TDP1: variants seen among roughly 807,000 people sequenced by gnomAD.
TDP1 encodes the protein tyrosyl-DNA phosphodiesterase 1.
TDP1 carries 64 observed loss-of-function variants against 81.5 expected under a neutral mutation model. The observed-to-expected ratio is 0.79, with a 90% CI of 0.64 to 0.97. The LOEUF is 0.97. Ranked by LOEUF, TDP1 falls within the 50% of genes least tolerant of loss-of-function variation. TDP1 has a pLI of 0.00. For synonymous variants in TDP1, 256 were observed against 264.3 expected (o/e 0.97, Z 0.30); for missense variants, 723 against 743.8 (o/e 0.97, Z 0.33).
intron 13 of TDP1, 25 bp downstream of exon 13, chr14:89,992,008 C>T (rs752102248): frequency 1.3e-6 from 2 of 1,593,846 alleles, no homozygotes; most frequent in South Asian, 2.2e-5. Flanking sequence ...TAGACTGCTG[C>T]TATTGCTTCT....
chr14:89,993,109 G>A lies in TDP1; in HGVS notation c.1434-267G>A. The A allele has an allele frequency of 8.3e-6, 8 of 965,568 alleles. No individual in the cohort carries two copies. In the African/African-American group the frequency reaches 1.2e-4, roughly 15 times the overall value. 59.8% of individuals were successfully genotyped at this position (965,568 alleles called of 1,614,324 possible). ...GTTAAAAGCACAACAGAAATAATAT[G>A]TATGCATGTATGTATGTTCATGGCA... On this transcript the variant is annotated intron_variant, in intron 13 of 16. Coordinates refer to ENST00000335725, the MANE Select transcript of TDP1 (RefSeq NM_018319.4).
At chr14:89,964,316 G>A (rs1892683365) in intron 3 of TDP1, among the ~76,000 whole-genome samples, 1 of 152,256 alleles carries the variant, frequency 6.6e-6, no homozygotes, top group African/African-American at 2.4e-5. Flanking sequence ...CCTGCAGGAG[G>A]AAGAGCAGGA....
At chr14:89,967,181 A>C in intron 4 of TDP1, 186 bp from the exon 5 acceptor site, 3 of 921,222 alleles carry the variant, frequency 3.3e-6, no homozygotes, top group Non-Finnish European at 3.9e-6. Context: ...AGGTTCTTTT[A>C]ACCATGCATT....
chr14:90,012,838 G>C (rs904717237), intron 14 of TDP1, among the ~76,000 whole-genome samples: 4 of 152,158 alleles, frequency 2.6e-5, no homozygotes, highest in Admixed American at 1.3e-4. Context: ...AGCCAAGAAG[G>C]GGGGCTATGC....
chr14:90,016,827 T>C (rs1467748715), intron 14 of TDP1, among the ~76,000 whole-genome samples: 1 of 152,176 alleles, frequency 6.6e-6, no homozygotes, highest in Non-Finnish European at 1.5e-5. Context: ...ATGACTTTAG[T>C]AAGGGTTTGG....
At chr14:90,032,963 T>G (rs1887451095) in intron 15 of TDP1, 143 bp from the exon 16 acceptor site, 1 of 1,196,136 alleles carries the variant, frequency 8.4e-7, no homozygotes, top group Admixed American at 2.5e-5. Flanking sequence ...TATATTTGCC[T>G]ATGAACATTG....
At chr14:89,985,919 C>T (rs1422562929) in intron 10 of TDP1, among the ~76,000 whole-genome samples, 2 of 152,196 alleles carry the variant, frequency 1.3e-5, no homozygotes, top group African/African-American at 4.8e-5. Context: ...CCCAGCTACT[C>T]GGGAGGCTGA....
At chr14:89,998,337 C>G (rs1596593562) in intron 14 of TDP1, among the ~76,000 whole-genome samples, 1 of 132,080 alleles carries the variant, frequency 7.6e-6, no homozygotes, top group Non-Finnish European at 1.6e-5. Flanking sequence ...ACATGTAGTT[C>G]TTAACCAGCA....
intron 14 of TDP1, among the ~76,000 whole-genome samples, chr14:90,014,739 C>G (rs993954482): frequency 2.0e-5 from 3 of 152,100 alleles, no homozygotes; most frequent in Non-Finnish European, 4.4e-5. Context: ...CCCTTGGGGA[C>G]TTGTACATCT....
At chr14:90,003,742 G>A (rs775730188) in intron 14 of TDP1, among the ~76,000 whole-genome samples, 2 of 152,196 alleles carry the variant, frequency 1.3e-5, no homozygotes, top group Non-Finnish European at 2.9e-5. Flanking sequence ...AGTCAGGGAT[G>A]AGCAGAAATG....
At chr14:89,960,337 A>G (rs974758452) in intron 2 of TDP1, among the ~76,000 whole-genome samples, 1 of 152,116 alleles carries the variant, frequency 6.6e-6, no homozygotes, top group African/African-American at 2.4e-5. Context: ...CTGCTTAAGT[A>G]GGTGTTGAGT....
chr14:89,984,953 G>T (rs897737788), intron 9 of TDP1, 179 bp from the exon 10 acceptor site: 16 of 969,666 alleles, frequency 1.7e-5, no homozygotes, highest in Non-Finnish European at 2.0e-5. Context: ...TTTACATCTT[G>T]TAGGCATTCC....
chr14:89,987,256 G>A (rs1253793488), intron 10 of TDP1, among the ~76,000 whole-genome samples: 2 of 152,204 alleles, frequency 1.3e-5, no homozygotes, highest in South Asian at 2.1e-4. Context: ...GACCAAATAT[G>A]TGTGGGGTTT....
At chr14:90,033,043 T>TA in intron 15 of TDP1, 63 bp from the exon 16 acceptor site, 1 of 1,264,346 alleles carries the variant, frequency 7.9e-7, no homozygotes, top group Admixed American at 1.8e-5. Context: ...TGAGGCCTTC[T>TA]GGTTTTTTTT....
intron 14 of TDP1, among the ~76,000 whole-genome samples, chr14:90,013,908 G>A (rs1885011752): frequency 6.6e-6 from 1 of 152,044 alleles, no homozygotes; most frequent in East Asian, 1.9e-4. Flanking sequence ...GTTCCCCCTT[G>A]CCTTCTGCCA....
chr14:90,024,808 A>T (rs977119798), intron 15 of TDP1, among the ~76,000 whole-genome samples: 4 of 152,208 alleles, frequency 2.6e-5, no homozygotes, highest in Non-Finnish European at 5.9e-5. Context: ...TTATCATAAA[A>T]TGAGGCCAGG....
intron 5 of TDP1, chr14:89,970,665 T>C (rs1893519369): frequency 9.2e-6 from 2 of 216,822 alleles, no homozygotes; most frequent in African/African-American, 4.7e-5. Flanking sequence ...AATCAGGCCA[T>C]GTAGCCCCAT....
chr14:90,026,112 CTGTT>C (rs897403370), intron 15 of TDP1, among the ~76,000 whole-genome samples: 5 of 152,240 alleles, frequency 3.3e-5, no homozygotes, highest in Admixed American at 1.3e-4. Context: ...TTTCTCTGTT[CTGTT>C]TAAATTTTTT....
intron 7 of TDP1, 63 bp from the exon 8 acceptor site, chr14:89,980,477 G>A: frequency 6.6e-7 from 1 of 1,512,074 alleles, no homozygotes; most frequent in Non-Finnish European, 9.2e-7. Flanking sequence ...CATTTGCATT[G>A]GAAAGGTATT....
Sources: allele counts gnomAD v4.1 joint callset (sites outside exome capture counted in the v4.1 genomes callset), GRCh38; gene constraint gnomAD v4.1.1; transcripts MANE v1.5; gene names NCBI Gene and HGNC (gene_info 2026-07-23, HGNC 2026-07-21).